The following BRSK1 variants were observed in gnomAD, a reference collection of about 807,000 sequenced individuals.
The protein encoded by BRSK1 is serine/threonine-protein kinase BRSK1.
Under a neutral mutation model 86.2 loss-of-function variants are expected in BRSK1, and 17 were observed. The observed-to-expected ratio is 0.20, with a 90% CI of 0.14 to 0.30. BRSK1 has a LOEUF of 0.30. Among genes scored for constraint, BRSK1 ranks in the 10% least tolerant of loss-of-function variants. BRSK1 has a pLI of 1.00. For missense variants in BRSK1, 719 were observed against 1,071.9 expected, an observed-to-expected ratio of 0.67 and a Z score of 4.60; for synonymous variants, 464 against 440.1, an observed-to-expected ratio of 1.05 and a Z score of -0.68.
chr19:55,292,410 G>A lies in BRSK1; in HGVS notation c.459-1607G>A, dbSNP rs1394094988. ...CCTACAAACTAATTTGGGTTGGGGA[G>A]GAGTATGTAAGGGACAGAGATGAGA... On this transcript the variant is annotated intron_variant, in intron 4 of 18. Transcript: ENST00000309383. Among the ~76,000 whole-genome samples, 7 of 152,214 alleles carry A rather than the reference G, an allele frequency of 4.6e-5. No individual in the cohort carries two copies. In the South Asian group the frequency reaches 1.0e-3, roughly 22 times the overall value.
chr19:55,297,036 G>A (rs1015515727), intron 7 of BRSK1, among the ~76,000 whole-genome samples: 1 of 146,924 alleles, frequency 6.8e-6, no homozygotes, highest in Non-Finnish European at 1.5e-5. Flanking sequence ...AAATAAATAA[G>A]TAATAAGTAG....
Position 55,303,391 on chromosome 19 carries a change from C to T in BRSK1, c.1109C>T (p.Pro370Leu). 6.2e-7 allele frequency: 1 copy of T among 1,613,884 alleles called. No individual in the cohort carries two copies. The highest frequency in any genetic ancestry group is 8.5e-7 in the Non-Finnish European group (1 of 1,179,884). The stretch of plus-strand genomic sequence containing the variant: ...CCCAGCTGTGAGGACCAGGACCTGC[C>T]TCCCCGGAATGATGTTGGTGAGAAG... ...RYPSCEDQDL[P>L]PRNDVDPPRK... Residue 370 changes from proline (P) to leucine (L), a missense_variant, in exon 11 of 19, where the codon CCT (proline) becomes CTT (leucine). Physicochemically the swap from Pro to Leu is moderately conservative, Grantham distance 98. Around this residue, in one of 6 missense-constraint regions of BRSK1, gnomAD observed 168 missense variants for 246.3 expected, o/e 0.68. Coordinates refer to ENST00000309383, the MANE Select transcript of BRSK1 (RefSeq NM_032430.2). This position sits in a 1 kb window ranked among gnomAD's most constrained non-coding sequence, Gnocchi z 5.1.
rs2088327478 is a variant in BRSK1, at chr19:55,287,016, A to G, written c.146A>G (p.Lys49Arg). 1.2e-6 allele frequency: 2 copies of G among 1,613,990 alleles called. No individual in the cohort carries two copies. Among genetic ancestry groups the G allele is most frequent in the East Asian group, 4.5e-5 (2 of 44,852 alleles). ...CACCCTGCTCCTGCAGGGCTGGTTAAACTCGGGGTCCACTGCATCACGGGT... is the reference window on the plus strand; with the variant it reads ...CACCCTGCTCCTGCAGGGCTGGTTAGACTCGGGGTCCACTGCATCACGGGT... The part of the protein sequence containing the change: ...TLGKGQTGLV[K>R]LGVHCITGQK... Residue 49 changes from lysine to arginine, a missense_variant, in exon 2 of 19, where the codon AAA (lysine) becomes AGA (arginine). Lys to Arg is a conservative substitution (Grantham distance 26). Transcript: ENST00000309383. The surrounding 1 kb of genome is among the most constrained non-coding windows in gnomAD (Gnocchi z 5.3).
intron 7 of BRSK1, among the ~76,000 whole-genome samples, chr19:55,297,844 C>T (rs766496353): frequency 9.2e-5 from 14 of 152,194 alleles, no homozygotes; most frequent in African/African-American, 1.9e-4. Context: ...GACGGAGTTT[C>T]GCTCTTGTCG....
At position 55,303,782 on chromosome 19, in the gene BRSK1, T is replaced by C; in HGVS notation, c.1242T>C (p.Pro414=). 1 of 1,607,902 alleles carries C rather than the reference T, an allele frequency of 6.2e-7. No homozygotes were observed. The highest frequency in any genetic ancestry group is 8.5e-7 in the Non-Finnish European group (1 of 1,176,654). ...CCGATGCCGGGGGTGGTGGCTCCCC[T>C]GTACCCACCCGACGGGCCTTGGAGA... The part of the protein sequence containing the change: ...SITDAGGGGS[P]VPTRRALEMA... Residue 414 remains proline, a synonymous_variant, in exon 12 of 19, where the codon CCT becomes CCC. Transcript: ENST00000309383. This position sits in a 1 kb window ranked among gnomAD's most constrained non-coding sequence, Gnocchi z 5.1.
chr19:55,294,367 C>T lies in BRSK1; in HGVS notation c.648C>T (p.Ser216=), dbSNP rs1404995497. 2.5e-6 allele frequency: 4 copies of T among 1,614,138 alleles called. No homozygotes were observed. The highest frequency in any genetic ancestry group is 4.5e-5 in the East Asian group (2 of 44,888). ...ATGGCCGCCGGGCAGACATGTGGAG[C>T]TGTGGAGTCATCCTCTTCGCCCTGC... ...KYDGRRADMW[S]CGVILFALLV... is the part of the protein sequence containing the mutation. The change falls in exon 7 of 19, where the codon AGC becomes AGT. Residue 216 remains serine, a synonymous_variant. Coordinates refer to ENST00000309383, the MANE Select transcript of BRSK1 (RefSeq NM_032430.2). The surrounding 1 kb of genome is among the most constrained non-coding windows in gnomAD (Gnocchi z 4.9).
In BRSK1 at chr19:55,305,317, C is replaced by T. The variant is rs2122986817; in HGVS notation, c.1718-4C>T. 1 of 1,614,056 alleles carries T rather than the reference C, an allele frequency of 6.2e-7. No homozygotes were observed. On this transcript the variant is annotated splice_polypyrimidine_tract_variant and splice_region_variant and intron_variant, in intron 14 of 18. Transcript: ENST00000309383. The stretch of plus-strand genomic sequence containing the variant: ...GACCACGTTCTCTGCCTTCCCCCTA[C>T]CAGTCCCTACCGCTGAGGAGATGTC...
At position 55,306,533 on chromosome 19, in the gene BRSK1, A is replaced by C; in HGVS notation, c.2089+83A>C. 1 of 1,501,570 alleles carries C rather than the reference A, an allele frequency of 6.7e-7. No individual in the cohort carries two copies. The highest frequency in any genetic ancestry group is 9.1e-7 in the Non-Finnish European group (1 of 1,097,248). The allele number at this position is 1,501,570 out of a possible 1,614,324, so 93.0% of individuals were successfully genotyped here. On this transcript the variant is annotated intron_variant, in intron 17 of 18. Coordinates refer to ENST00000309383, the MANE Select transcript of BRSK1 (RefSeq NM_032430.2). The surrounding 1 kb of genome is among the most constrained non-coding windows in gnomAD (Gnocchi z 4.7). ...AGACAGTGTAGGGGCCCAGGAGTGC[A>C]GCAGCAGGAGGAGGAAATGGTGTTC...
At position 55,284,276 on chromosome 19, in the gene BRSK1, G is replaced by A; in HGVS notation, c.-167G>A. 1 of 548,002 alleles carries A rather than the reference G, an allele frequency of 1.8e-6. No homozygotes were observed. The highest frequency in any genetic ancestry group is 2.7e-6 in the Non-Finnish European group (1 of 368,498). The allele number at this position is 548,002 out of a possible 1,614,324, so 33.9% of individuals were successfully genotyped here. On this transcript the variant is annotated 5_prime_UTR_variant, in exon 1 of 19. Transcript: ENST00000309383. ...CCAGCCCCCCCTCCCCCAGCTCCGC[G>A]GCCCGCCGACTGGGGGGGGCCAGCC...
chr19:55,301,631 C>T lies in BRSK1; in HGVS notation c.798C>T (p.Ile266=). The T allele has an allele frequency of 1.9e-6, 3 of 1,612,630 alleles. No individual in the cohort carries two copies. Among genetic ancestry groups the T allele is most frequent in the Non-Finnish European group, 2.5e-6 (3 of 1,179,508 alleles). ...PDCQSLLRGM[I]EVEPEKRLSL... is the part of the protein sequence containing the mutation. ...GCCAGAGCCTCCTGAGGGGAATGATCGAAGTGGAGCCCGAAAAAAGGCTCA... is the reference window on the plus strand; with the variant it reads ...GCCAGAGCCTCCTGAGGGGAATGATTGAAGTGGAGCCCGAAAAAAGGCTCA... Residue 266 remains isoleucine, a synonymous_variant, in exon 8 of 19, where the codon ATC becomes ATT. Coordinates refer to ENST00000309383, the MANE Select transcript of BRSK1 (RefSeq NM_032430.2).
chr19:55,299,228 C>A (rs986109760), intron 7 of BRSK1, among the ~76,000 whole-genome samples: 3 of 152,146 alleles, frequency 2.0e-5, no homozygotes, highest in Admixed American at 6.6e-5. Flanking sequence ...AAAAATGTGA[C>A]GAGAGGGTCA....
In BRSK1 at chr19:55,302,858, G is replaced by T. The variant is rs1360413273; in HGVS notation, c.1019G>T (p.Arg340Leu). The change falls in exon 10 of 19, where the codon CGC becomes CTC. Residue 340 changes from arginine (R) to leucine (L), a missense_variant. Transcript: ENST00000309383. The surrounding 1 kb of genome is among the most constrained non-coding windows in gnomAD (Gnocchi z 6.3). ...RDRERLHREL[R>L]SEEENQEKMI... ...CGCGAGAGGCTGCATCGCGAGCTGC[G>T]CAGTGAGGAGTAAGACCCCAAGACC... 1 of 1,612,896 alleles carries T rather than the reference G, an allele frequency of 6.2e-7. No homozygotes were observed. The highest frequency in any genetic ancestry group is 8.5e-7 in the Non-Finnish European group (1 of 1,179,574).
Position 55,302,355 on chromosome 19 carries a change from G to A in BRSK1, c.857+187G>A. The A allele has an allele frequency of 1.4e-6, 1 of 713,028 alleles. No homozygotes were observed. Among genetic ancestry groups the A allele is most frequent in the South Asian group, 1.6e-5 (1 of 61,868 alleles). 44.2% of individuals were successfully genotyped at this position (713,028 alleles called of 1,614,324 possible). ...GGAGTCTAGGGGTCAGAGGCAGGAG[G>A]GGCTAAGCTAGGAGTCCAGGACTCC... On this transcript the variant is annotated intron_variant, in intron 9 of 18. Transcript: ENST00000309383. This position sits in a 1 kb window ranked among gnomAD's most constrained non-coding sequence, Gnocchi z 6.3.
intron 8 of BRSK1, 32 bp downstream of exon 8, chr19:55,301,690 AACAGTGGCCGATGAAG>A: frequency 4.4e-6 from 7 of 1,597,842 alleles, no homozygotes; most frequent in Non-Finnish European, 6.0e-6. Flanking sequence ...CGGAGGGGGG[AACAGTGGCCGATGAAG>A]ACAGAACCCC....
chr19:55,293,477 G>A (rs532802579), intron 4 of BRSK1, among the ~76,000 whole-genome samples: 13 of 151,806 alleles, frequency 8.6e-5, no homozygotes, highest in Non-Finnish European at 1.3e-4. Flanking sequence ...ACTCCAGCCT[G>A]GGTGATAGAA....
rs761664653 is a variant in BRSK1, at chr19:55,304,128, G to A, written c.1347+18G>A. 3 of 1,609,082 alleles carry A rather than the reference G, an allele frequency of 1.9e-6. No individual in the cohort carries two copies. The highest frequency in any genetic ancestry group is 1.1e-5 in the South Asian group (1 of 90,246). On this transcript the variant is annotated intron_variant, in intron 13 of 18. Transcript: ENST00000309383. The surrounding 1 kb of genome is among the most constrained non-coding windows in gnomAD (Gnocchi z 5.2). The stretch of plus-strand genomic sequence containing the variant: ...GCCCAAGGGTAAGGCCAGGTCCCCA[G>A]TGGGATTTAAGAAGGAGAAAGGGGT...
chr19:55,309,913 C>T (rs2088744776), intron 18 of BRSK1, among the ~76,000 whole-genome samples: 1 of 152,168 alleles, frequency 6.6e-6, no homozygotes, highest in Non-Finnish European at 1.5e-5. Flanking sequence ...GCCGTCTGCT[C>T]TGAGGGGAGT....
intron 7 of BRSK1, among the ~76,000 whole-genome samples, chr19:55,300,237 G>A (rs1399082531): frequency 1.3e-5 from 2 of 152,122 alleles, no homozygotes; most frequent in East Asian, 1.9e-4. Flanking sequence ...TGGTCAGTGC[G>A]TCACAGCAGC....
chr19:55,284,152 A>T lies in BRSK1; in HGVS notation c.-291A>T. 2 of 992,986 alleles carry T rather than the reference A, an allele frequency of 2.0e-6. No homozygotes were observed. The highest frequency in any genetic ancestry group is 2.5e-6 in the Non-Finnish European group (2 of 788,906). The allele number at this position is 992,986 out of a possible 1,614,324, so 61.5% of individuals were successfully genotyped here. On this transcript the variant is annotated 5_prime_UTR_variant, in exon 1 of 19. Coordinates refer to ENST00000309383, the MANE Select transcript of BRSK1 (RefSeq NM_032430.2). The stretch of plus-strand genomic sequence containing the variant: ...CACCTCAGACCCCCCCGGCGGGGGG[A>T]GGCGCAGGAAGCGGGGGGCCGGCCA...
Sources: allele counts gnomAD v4.1 joint callset (sites outside exome capture counted in the v4.1 genomes callset), GRCh38; gene constraint gnomAD v4.1.1; regional missense constraint gnomAD v4.1.1; non-coding constraint Gnocchi (gnomAD v3.1); transcripts MANE v1.5; gene names NCBI Gene and HGNC (gene_info 2026-07-23, HGNC 2026-07-21).